THSD7B: variants seen among roughly 807,000 people sequenced by gnomAD.
The protein encoded by THSD7B is thrombospondin type 1 domain containing 7B.
THSD7B carries 138 observed loss-of-function variants against 213.6 expected under a neutral mutation model. The ratio of observed to expected loss-of-function variants is 0.65; its 90% CI spans 0.56 to 0.74. The LOEUF is 0.74. Ranked by LOEUF, THSD7B falls within the 30% of genes least tolerant of loss-of-function variation. The pLI is 0.00. For synonymous variants in THSD7B, 742 were observed against 687.0 expected, an observed-to-expected ratio of 1.08 and a Z score of -1.25; for missense variants, 1,931 against 1,991.5, an observed-to-expected ratio of 0.97 and a Z score of 0.58.
At chr2:137,023,816 T>C (rs1019713952) in intron 2 of THSD7B, among the ~76,000 whole-genome samples, 3 of 152,130 alleles carry the variant, frequency 2.0e-5, no homozygotes, top group African/African-American at 7.2e-5. Context: ...TGACATTTTT[T>C]CCCTGTGGGT....
intron 12 of THSD7B, among the ~76,000 whole-genome samples, chr2:137,316,514 G>A (rs941787427): frequency 2.0e-5 from 3 of 152,238 alleles, no homozygotes; most frequent in South Asian, 2.1e-4. Flanking sequence ...GGTGGCTCAC[G>A]CCTGTAATCC....
intron 10 of THSD7B, among the ~76,000 whole-genome samples, chr2:137,265,897 G>A (rs570852139): frequency 1.0e-3 from 158 of 152,258 alleles, no homozygotes; most frequent in Non-Finnish European, 1.5e-3. Flanking sequence ...CAGGATGTTT[G>A]ACCATCCTAT....
At chr2:136,783,263 C>T (rs1427615) in intron 1 of THSD7B, among the ~76,000 whole-genome samples, 145,335 of 152,276 alleles carry the variant, frequency 0.95, 69,437 homozygotes, top group Non-Finnish European at 0.97. Flanking sequence ...TAAAGGCTGA[C>T]TATGGCTTAG....
At chr2:137,282,479 T>C (rs9678468) in intron 12 of THSD7B, among the ~76,000 whole-genome samples, 94,783 of 151,504 alleles carry the variant, frequency 0.63, 30,299 homozygotes, top group East Asian at 0.94. Context: ...AGTCCTTGCC[T>C]GTGCCTATGT....
At chr2:137,265,417 G>A (rs903352595) in intron 10 of THSD7B, among the ~76,000 whole-genome samples, 7 of 152,104 alleles carry the variant, frequency 4.6e-5, no homozygotes, top group Non-Finnish European at 8.8e-5. Flanking sequence ...AATTCCTCAG[G>A]GATCTAGAAC....
chr2:136,948,425 C>CTTT (rs34273193), intron 2 of THSD7B, among the ~76,000 whole-genome samples: 1 of 149,388 alleles, frequency 6.7e-6, no homozygotes, highest in African/African-American at 2.5e-5. Flanking sequence ...TCCCCCATAC[C>CTTT]TTTCTTTTTT....
chr2:137,166,531 G>A (rs1680133564), intron 6 of THSD7B, among the ~76,000 whole-genome samples: 1 of 152,144 alleles, frequency 6.6e-6, no homozygotes, highest in Non-Finnish European at 1.5e-5. Context: ...CAGCTGCTTA[G>A]GTGGAAGGAC....
At chr2:137,501,469 C>A (rs559496979) in intron 15 of THSD7B, among the ~76,000 whole-genome samples, 1 of 151,776 alleles carries the variant, frequency 6.6e-6, no homozygotes, top group Admixed American at 6.6e-5. Flanking sequence ...ATTAAGAGAT[C>A]AAAATATATA....
intron 2 of THSD7B, among the ~76,000 whole-genome samples, chr2:136,947,530 C>T (rs918685389): frequency 6.6e-6 from 1 of 152,106 alleles, no homozygotes; most frequent in Admixed American, 6.5e-5. Context: ...GAGCTTAAAT[C>T]TAAACATTTC....
chr2:136,928,432 C>G (rs913685694), intron 2 of THSD7B, among the ~76,000 whole-genome samples: 1 of 152,014 alleles, frequency 6.6e-6, no homozygotes, highest in Non-Finnish European at 1.5e-5. Context: ...ATTTGTATAG[C>G]GTTTGTTTTT....
At chr2:137,369,582 G>A (rs984517894) in intron 12 of THSD7B, among the ~76,000 whole-genome samples, 2 of 152,168 alleles carry the variant, frequency 1.3e-5, no homozygotes, top group East Asian at 3.9e-4. Context: ...TCCAGCTAAG[G>A]GAAGTGAACT....
intron 5 of THSD7B, among the ~76,000 whole-genome samples, chr2:137,122,077 G>T (rs1688555669): frequency 6.6e-6 from 1 of 152,164 alleles, no homozygotes; most frequent in Non-Finnish European, 1.5e-5. Context: ...AGAGAGATTG[G>T]CCTGGACTGA....
At chr2:137,405,130 A>G (rs1686484270) in intron 12 of THSD7B, among the ~76,000 whole-genome samples, 2 of 151,994 alleles carry the variant, frequency 1.3e-5, no homozygotes. Context: ...GTTTATTTAC[A>G]GACAGCAGAA....
intron 2 of THSD7B, among the ~76,000 whole-genome samples, chr2:136,883,183 A>G (rs566298420): frequency 5.9e-4 from 90 of 152,240 alleles, no homozygotes; most frequent in South Asian, 1.7e-3. Context: ...TAGAAGATCT[A>G]TGGTCCTCAA....
chr2:137,009,421 C>G (rs2104832383), intron 2 of THSD7B, among the ~76,000 whole-genome samples: 1 of 152,226 alleles, frequency 6.6e-6, no homozygotes. Flanking sequence ...TATCTGGTCT[C>G]TACCCAATAG....
At chr2:137,546,416 T>A (rs12329392) in intron 15 of THSD7B, among the ~76,000 whole-genome samples, 7,758 of 31,218 alleles carry the variant, frequency 0.25, 1,720 homozygotes, top group South Asian at 0.43. Context: ...ATATATATAT[T>A]ATATATATTA....
Position 137,364,759 on chromosome 2 carries a change from A to G in THSD7B, c.2501-40854A>G, listed in dbSNP as rs1396976526. On this transcript the variant is annotated intron_variant, in intron 12 of 27. Coordinates refer to ENST00000409968, the MANE Select transcript of THSD7B (RefSeq NM_001316349.2). ...TAAAAGAGGACACAAACAAATGAAA[A>G]AACATTCCATGCTCATGGATAGGAA... Among the ~76,000 whole-genome samples the G allele has an allele frequency of 4.6e-5, 7 of 152,220 alleles. No individual in the cohort carries two copies. The East Asian group carries it at 1.2e-3, about 25-fold the overall frequency.
At position 137,246,961 on chromosome 2, in the gene THSD7B, G is replaced by A. The variant is rs555773363; in HGVS notation, c.2266+4389G>A. 2.0e-4 allele frequency among the ~76,000 whole-genome samples: 30 copies of A among 152,224 alleles called. No homozygotes were observed. The East Asian group carries it at 5.8e-3, about 29-fold the overall frequency. On this transcript the variant is annotated intron_variant, in intron 10 of 27. Coordinates refer to ENST00000409968, the MANE Select transcript of THSD7B (RefSeq NM_001316349.2). ...CAGTCAGAATATCTTTAGGTTGGAAGGATATCTGCGATAAATTCTCCATAG... is the reference window on the plus strand; with the variant it reads ...CAGTCAGAATATCTTTAGGTTGGAAAGATATCTGCGATAAATTCTCCATAG...
intron 7 of THSD7B, among the ~76,000 whole-genome samples, chr2:137,207,987 G>T (rs539537255): frequency 9.9e-5 from 15 of 152,164 alleles, no homozygotes; most frequent in African/African-American, 2.9e-4. Context: ...ACCAAACAGG[G>T]TAGGGCTGCT....
Sources: allele counts gnomAD v4.1 joint callset (sites outside exome capture counted in the v4.1 genomes callset), GRCh38; gene constraint gnomAD v4.1.1; transcripts MANE v1.5; gene names NCBI Gene and HGNC (gene_info 2026-07-23, HGNC 2026-07-21).